AFF1: variants seen among roughly 807,000 people sequenced by gnomAD.
AFF1 encodes the protein AF4/FMR2 family member 1.
A neutral mutation model predicts 121.7 loss-of-function variants in AFF1; 48 were observed. That is an observed-to-expected ratio of 0.39 (90% CI 0.31 to 0.50). The LOEUF (loss-of-function observed/expected upper bound fraction) is 0.50. Ranked by LOEUF, AFF1 falls within the 20% of genes least tolerant of loss-of-function variation. The probability of loss-of-function intolerance (pLI) is 0.76; values close to 1 mark genes in which losing one functional copy is unlikely to be tolerated. For synonymous variants in AFF1, 613 were observed against 563.0 expected, an observed-to-expected ratio of 1.09 and a Z score of -1.26; for missense variants, 1,523 against 1,511.7, an observed-to-expected ratio of 1.01 and a Z score of -0.12.
At chr4:87,050,888 TAAC>T (rs1731196947) in intron 4 of AFF1, among the ~76,000 whole-genome samples, 1 of 152,160 alleles carries the variant, frequency 6.6e-6, no homozygotes, top group Non-Finnish European at 1.5e-5. Flanking sequence ...TGTCTAGAGA[TAAC>T]AAGTGAAAGA....
intron 2 of AFF1, among the ~76,000 whole-genome samples, chr4:86,966,270 C>A (rs1722535248): frequency 6.6e-6 from 1 of 152,090 alleles, no homozygotes; most frequent in Admixed American, 6.5e-5. Context: ...GTGTGCGGTG[C>A]TGTCAATCCT....
At chr4:87,100,345 G>A (rs1236487384) in intron 8 of AFF1, among the ~76,000 whole-genome samples, 1 of 151,854 alleles carries the variant, frequency 6.6e-6, no homozygotes, top group East Asian at 1.9e-4. Context: ...CCCTACCACG[G>A]CCTGTCCCTG....
chr4:86,973,986 G>A (rs1200191325), intron 2 of AFF1: 2 of 152,168 alleles, frequency 1.3e-5, no homozygotes, highest in Admixed American at 6.5e-5. Context: ...TGTGATAAAC[G>A]CTCTAGCAGA....
At chr4:87,014,385 T>A (rs890691219) in intron 2 of AFF1, among the ~76,000 whole-genome samples, 3 of 152,240 alleles carry the variant, frequency 2.0e-5, no homozygotes, top group Non-Finnish European at 2.9e-5. Flanking sequence ...CCAAACTTTG[T>A]GAAACCGAAA....
At chr4:87,132,048 G>C (rs1429548911) in intron 18 of AFF1, among the ~76,000 whole-genome samples, 184 bp downstream of exon 18, 1 of 152,156 alleles carries the variant, frequency 6.6e-6, no homozygotes, top group African/African-American at 2.4e-5. Flanking sequence ...CCATTTTTCT[G>C]ATGGCTTGGT....
At chr4:87,132,549 C>A in intron 19 of AFF1, 141 bp downstream of exon 19, 1 of 705,854 alleles carries the variant, frequency 1.4e-6, no homozygotes, top group South Asian at 3.4e-5. Context: ...GCTGGTTGCT[C>A]CTAAATTTAA....
chr4:87,084,202 T>C (rs1377892475), intron 5 of AFF1, 38 bp downstream of exon 5: 22 of 1,595,684 alleles, frequency 1.4e-5, no homozygotes, highest in Non-Finnish European at 1.8e-5. Context: ...TGAAGAAATA[T>C]TTAAGTAGGT....
intron 13 of AFF1, among the ~76,000 whole-genome samples, chr4:87,125,441 C>T (rs1424323155): frequency 2.0e-5 from 3 of 151,990 alleles, no homozygotes; most frequent in Non-Finnish European, 4.4e-5. Flanking sequence ...CTTATTTCTA[C>T]TTTGCAGAAT....
intron 2 of AFF1, among the ~76,000 whole-genome samples, chr4:86,993,424 TA>T (rs1174477945): frequency 6.6e-6 from 1 of 150,782 alleles, no homozygotes; most frequent in East Asian, 1.9e-4. Flanking sequence ...TTCCAGTTCT[TA>T]AATCCTTCCC....
At chr4:86,953,624 C>T (rs1025725573) in intron 2 of AFF1, among the ~76,000 whole-genome samples, 3 of 152,202 alleles carry the variant, frequency 2.0e-5, no homozygotes, top group African/African-American at 7.2e-5. Flanking sequence ...TTCCTTCCGT[C>T]CCCCTTTTTA....
intron 2 of AFF1, among the ~76,000 whole-genome samples, chr4:86,988,359 T>C (rs1403342773): frequency 6.6e-6 from 1 of 151,748 alleles, no homozygotes; most frequent in Non-Finnish European, 1.5e-5. Flanking sequence ...CATCATATGG[T>C]TCTCTACTCC....
intron 4 of AFF1, among the ~76,000 whole-genome samples, chr4:87,068,257 G>T (rs189451656): frequency 2.5e-5 from 3 of 120,130 alleles, no homozygotes; most frequent in Non-Finnish European, 3.5e-5. Flanking sequence ...CATGAAAATT[G>T]CCCCCCCCCC....
At chr4:87,064,954 A>C (rs896950801) in intron 4 of AFF1, among the ~76,000 whole-genome samples, 1 of 151,684 alleles carries the variant, frequency 6.6e-6, no homozygotes, top group African/African-American at 2.4e-5. Flanking sequence ...TAGGAGGATC[A>C]CTTGAGCACA....
intron 2 of AFF1, among the ~76,000 whole-genome samples, chr4:86,959,459 AGC>A (rs894982273): frequency 1.2e-4 from 18 of 151,008 alleles, no homozygotes; most frequent in African/African-American, 4.1e-4. Flanking sequence ...AAATCTTTAA[AGC>A]CTCACTCCCT....
intron 4 of AFF1, among the ~76,000 whole-genome samples, chr4:87,049,221 G>C (rs1344929976): frequency 6.6e-6 from 1 of 152,028 alleles, no homozygotes; most frequent in Non-Finnish European, 1.5e-5. Context: ...ATATGCTTAA[G>C]TGCAAGATTC....
rs1447067206 is a variant in AFF1, at chr4:87,125,151, T to C, written c.2573+8T>C. 6.2e-7 allele frequency: 1 copy of C among 1,600,552 alleles called. No homozygotes were observed. Among genetic ancestry groups the C allele is most frequent in the Admixed American group, 1.7e-5 (1 of 58,514 alleles). Reference sequence around the variant, plus strand: ...AGAATCTTCTAAAACAAAGTGAGTATAGAGATTAGCAACCACCTAATCTAC... The same window carrying C: ...AGAATCTTCTAAAACAAAGTGAGTACAGAGATTAGCAACCACCTAATCTAC... On this transcript the variant is annotated splice_region_variant and intron_variant, in intron 13 of 20. Transcript: ENST00000395146.
intron 7 of AFF1, among the ~76,000 whole-genome samples, chr4:87,092,291 A>G (rs186856194): frequency 1.1e-3 from 171 of 152,306 alleles, no homozygotes; most frequent in Non-Finnish European, 2.1e-3. Context: ...CAAACAAACA[A>G]AAACCAAAAT....
intron 2 of AFF1, among the ~76,000 whole-genome samples, chr4:86,972,793 A>G (rs1028753279): frequency 3.9e-5 from 6 of 151,928 alleles, no homozygotes; most frequent in African/African-American, 1.2e-4. Context: ...GCCCATATCT[A>G]CCTCCCAAAG....
At chr4:86,957,390 A>G (rs982807717) in intron 2 of AFF1, among the ~76,000 whole-genome samples, 1 of 152,140 alleles carries the variant, frequency 6.6e-6, no homozygotes, top group Non-Finnish European at 1.5e-5. Context: ...TTATTTCAAA[A>G]TCTGAGTCAT....
Sources: allele counts gnomAD v4.1 joint callset (sites outside exome capture counted in the v4.1 genomes callset), GRCh38; gene constraint gnomAD v4.1.1; transcripts MANE v1.5; gene names NCBI Gene and HGNC (gene_info 2026-07-23, HGNC 2026-07-21).